KCND2: variants seen among roughly 807,000 people sequenced by gnomAD.
KCND2 encodes potassium voltage-gated channel subfamily D member 2.
Under a neutral mutation model 54.4 loss-of-function variants are expected in KCND2, and 16 were observed. The observed-to-expected ratio is 0.29, with a 90% CI of 0.20 to 0.45. The LOEUF is 0.45. Ranked by LOEUF, KCND2 falls within the 20% of genes least tolerant of loss-of-function variation. The probability of loss-of-function intolerance (pLI) is 1.00; values close to 1 mark genes in which losing one functional copy is unlikely to be tolerated. For missense variants in KCND2, 486 were observed against 824.2 expected, an observed-to-expected ratio of 0.59 and a Z score of 5.02; for synonymous variants, 317 against 310.7, an observed-to-expected ratio of 1.02 and a Z score of -0.21.
chr7:120,398,688 A>G (rs765033555), intron 1 of KCND2, among the ~76,000 whole-genome samples: 3 of 152,134 alleles, frequency 2.0e-5, no homozygotes, highest in Admixed American at 1.3e-4. Flanking sequence ...TGGTAGTCAG[A>G]AGTATGTTTT....
intron 3 of KCND2, 71 bp downstream of exon 3, chr7:120,741,700 T>C: frequency 9.6e-7 from 1 of 1,045,858 alleles, no homozygotes; most frequent in Non-Finnish European, 1.5e-6. Context: ...TCTACTTTCC[T>C]ATAATTTTAT....
intron 1 of KCND2, among the ~76,000 whole-genome samples, chr7:120,579,953 A>G (rs1328151906): frequency 1.3e-5 from 2 of 152,166 alleles, no homozygotes; most frequent in Non-Finnish European, 2.9e-5. Context: ...TAGTGGTCTA[A>G]GCTGGCCATC....
intron 1 of KCND2, among the ~76,000 whole-genome samples, chr7:120,631,533 A>T (rs920935799): frequency 1.3e-5 from 2 of 151,994 alleles, no homozygotes; most frequent in Non-Finnish European, 2.9e-5. Context: ...CAACATTGGG[A>T]TTTTCCTCTG....
intron 1 of KCND2, among the ~76,000 whole-genome samples, chr7:120,587,169 T>C (rs998335303): frequency 6.6e-6 from 1 of 152,168 alleles, no homozygotes; most frequent in Non-Finnish European, 1.5e-5. Flanking sequence ...ATGTCTTCTT[T>C]GGTAATTTTA....
intron 1 of KCND2, among the ~76,000 whole-genome samples, chr7:120,397,993 GTGTATATATATATATATATATA>G (rs59866565): frequency 0.058 from 2,326 of 40,004 alleles, 83 homozygotes; most frequent in African/African-American, 0.11. Context: ...GTGTGTGTGT[GTGTATATATATATATATATATA>G]TATATATATA....
chr7:120,719,097 G>T, intron 1 of KCND2, among the ~76,000 whole-genome samples: 1 of 152,218 alleles, frequency 6.6e-6, no homozygotes, highest in Non-Finnish European at 1.5e-5. Context: ...GAGGGAGAAA[G>T]AAGAAAGAAA....
intron 1 of KCND2, among the ~76,000 whole-genome samples, chr7:120,615,408 A>G (rs558360463): frequency 1.1e-4 from 16 of 152,318 alleles, no homozygotes; most frequent in African/African-American, 3.8e-4. Flanking sequence ...AATTTCACAT[A>G]TAAAGATTTC....
rs34083088 is a variant in KCND2 at position 120,557,917 on chromosome 7, G to A, written c.1116-174986G>A. On this transcript the variant is annotated intron_variant, in intron 1 of 5. Coordinates refer to ENST00000331113, the MANE Select transcript of KCND2 (RefSeq NM_012281.3). ...ACTGAAAAAGAATAATTCTTACATA[G>A]TGGTTCCTAAATACCAAATTCCAAA... Among the ~76,000 whole-genome samples, 3 of 152,172 alleles carry A rather than the reference G, an allele frequency of 2.0e-5. No homozygotes were observed. The South Asian group carries it at 6.2e-4, about 32-fold the overall frequency.
At chr7:120,341,101 G>T (rs970683337) in intron 1 of KCND2, among the ~76,000 whole-genome samples, 1 of 152,156 alleles carries the variant, frequency 6.6e-6, no homozygotes, top group Non-Finnish European at 1.5e-5. Context: ...GAGTTTGGTT[G>T]TGGGTACATA....
intron 1 of KCND2, among the ~76,000 whole-genome samples, chr7:120,567,415 CATGTATCTGTCATCAGAAAA>C (rs1458876486): frequency 6.6e-6 from 1 of 151,966 alleles, no homozygotes; most frequent in Non-Finnish European, 1.5e-5. Context: ...TTTTGAAATC[CATGTATCTGTCATCAGAAAA>C]ATAGCCTAGG....
intron 1 of KCND2, among the ~76,000 whole-genome samples, chr7:120,320,753 T>G (rs372786974): frequency 2.0e-5 from 3 of 152,168 alleles, no homozygotes; most frequent in East Asian, 3.9e-4. Flanking sequence ...AGAGTCTAAG[T>G]GGAAATAGGA....
At chr7:120,455,795 G>T (rs1047287001) in intron 1 of KCND2, among the ~76,000 whole-genome samples, 13 of 152,198 alleles carry the variant, frequency 8.5e-5, no homozygotes, top group African/African-American at 1.2e-4. Context: ...AATACTTATG[G>T]ATACATATGT....
chr7:120,559,394 A>C (rs530682761), intron 1 of KCND2, among the ~76,000 whole-genome samples: 10 of 152,298 alleles, frequency 6.6e-5, no homozygotes, highest in African/African-American at 2.4e-4. Context: ...CTTGCAGAGT[A>C]GTCAGTTCTT....
chr7:120,587,905 C>A (rs1039105158), intron 1 of KCND2, among the ~76,000 whole-genome samples: 1 of 152,102 alleles, frequency 6.6e-6, no homozygotes, highest in Non-Finnish European at 1.5e-5. Flanking sequence ...GTGGTAGACC[C>A]TAAGATCACC....
chr7:120,309,474 TACAC>T (rs1209573900), intron 1 of KCND2, among the ~76,000 whole-genome samples: 2,928 of 112,998 alleles, frequency 0.026, 95 homozygotes, highest in Non-Finnish European at 0.038. Flanking sequence ...TATATATATA[TACAC>T]ACACACACAC....
chr7:120,594,235 C>T (rs535741090), intron 1 of KCND2, among the ~76,000 whole-genome samples: 1 of 152,274 alleles, frequency 6.6e-6, no homozygotes, highest in South Asian at 2.1e-4. Context: ...AAGTTTCTCA[C>T]AGTAAAGGCA....
At chr7:120,324,795 T>C (rs896909739) in intron 1 of KCND2, among the ~76,000 whole-genome samples, 57 of 151,938 alleles carry the variant, frequency 3.8e-4, no homozygotes, top group African/African-American at 1.2e-3. Context: ...TCTTTTTTGG[T>C]TCCATATGAA....
At position 120,345,206 on chromosome 7, in the gene KCND2, A is replaced by G. The variant is rs73722577; in HGVS notation, c.1115+69459A>G. Among the ~76,000 whole-genome samples, 801 of 152,292 alleles carry G rather than the reference A, an allele frequency of 5.3e-3. 8 individuals are homozygous for G. The highest frequency in any genetic ancestry group is 0.018 in the African/African-American group (743 of 41,566). Reference sequence around the variant, plus strand: ...AAAACAATATAGTCCAGGTGCCTAAAATGTAGGATAACTTGTTTGATTAAA... The same window carrying G: ...AAAACAATATAGTCCAGGTGCCTAAGATGTAGGATAACTTGTTTGATTAAA... On this transcript the variant is annotated intron_variant, in intron 1 of 5. Transcript: ENST00000331113.
chr7:120,344,580 A>G (rs1378020459), intron 1 of KCND2, among the ~76,000 whole-genome samples: 2 of 152,220 alleles, frequency 1.3e-5, no homozygotes, highest in South Asian at 2.1e-4. Flanking sequence ...CAATAGTACC[A>G]CATTAATCGT....
Sources: allele counts gnomAD v4.1 joint callset (sites outside exome capture counted in the v4.1 genomes callset), GRCh38; gene constraint gnomAD v4.1.1; transcripts MANE v1.5; gene names NCBI Gene and HGNC (gene_info 2026-07-23, HGNC 2026-07-21).